Variants in PDE4D observed in about 807,000 individuals in gnomAD.
The protein encoded by PDE4D is 3',5'-cyclic-AMP phosphodiesterase 4D.
PDE4D carries 24 observed loss-of-function variants against 87.4 expected under a neutral mutation model. That is an observed-to-expected ratio of 0.27 (90% CI 0.20 to 0.39). PDE4D has a LOEUF of 0.39. Among genes scored for constraint, PDE4D ranks in the 10% least tolerant of loss-of-function variants. The probability of loss-of-function intolerance (pLI) is 1.00; values close to 1 mark genes in which losing one functional copy is unlikely to be tolerated. For missense variants in PDE4D, 714 were observed against 1,041.0 expected (o/e 0.69, Z 4.32); for synonymous variants, 384 against 383.2 (o/e 1.00, Z -0.02).
chr5:59,713,500 T>C (rs1286537917), intron 1 of PDE4D, among the ~76,000 whole-genome samples: 2 of 152,168 alleles, frequency 1.3e-5, no homozygotes, highest in African/African-American at 2.4e-5. Context: ...ACGTTGAAAC[T>C]GTGCATGATT....
intron 1 of PDE4D, among the ~76,000 whole-genome samples, chr5:60,398,527 T>C (rs899904020): frequency 7.9e-5 from 12 of 152,090 alleles, no homozygotes; most frequent in African/African-American, 2.4e-4. Flanking sequence ...TACTGTACCA[T>C]AGAGTTAGCT....
intron 1 of PDE4D, among the ~76,000 whole-genome samples, chr5:59,341,976 CG>C (rs1425368218): frequency 2.0e-5 from 3 of 151,990 alleles, no homozygotes; most frequent in African/African-American, 7.2e-5. Context: ...ATGATGTAGG[CG>C]CAGAGGCACC....
intron 1 of PDE4D, among the ~76,000 whole-genome samples, chr5:59,429,207 A>G (rs1795749464): frequency 6.6e-6 from 1 of 152,206 alleles, no homozygotes; most frequent in Non-Finnish European, 1.5e-5. Flanking sequence ...AAAGAAGGGA[A>G]TGAGGTAACT....
chr5:59,359,654 T>C (rs1450848700), intron 1 of PDE4D, among the ~76,000 whole-genome samples: 2 of 152,228 alleles, frequency 1.3e-5, no homozygotes, highest in Non-Finnish European at 2.9e-5. Flanking sequence ...TTTACTAGCA[T>C]TTATAATACA....
intron 5 of PDE4D, among the ~76,000 whole-genome samples, chr5:59,114,869 G>A (rs529545897): frequency 3.5e-4 from 52 of 150,546 alleles, no homozygotes; most frequent in Middle Eastern, 6.8e-3. Flanking sequence ...CTTCAAGGGG[G>A]TAGAGGAATA....
intron 1 of PDE4D, among the ~76,000 whole-genome samples, chr5:60,373,797 G>A (rs777744617): frequency 7.9e-5 from 12 of 152,252 alleles, no homozygotes; most frequent in South Asian, 2.1e-4. Flanking sequence ...TCCAAGGGCC[G>A]TCCTTATTCC....
chr5:59,066,479 A>G (rs1561421620), intron 5 of PDE4D, among the ~76,000 whole-genome samples: 3 of 152,262 alleles, frequency 2.0e-5, no homozygotes, highest in African/African-American at 7.2e-5. Context: ...CCTGCCCACC[A>G]TTTGTTACAG....
chr5:60,264,394 GC>G (rs1244683020), intron 1 of PDE4D, among the ~76,000 whole-genome samples: 1 of 152,182 alleles, frequency 6.6e-6, no homozygotes, highest in African/African-American at 2.4e-5. Context: ...CCTTGGCCTA[GC>G]TATAGCCAAA....
chr5:59,938,057 C>A (rs1389698990), intron 3 of PDE4D, among the ~76,000 whole-genome samples: 2 of 152,204 alleles, frequency 1.3e-5, no homozygotes, highest in Non-Finnish European at 2.9e-5. Context: ...ACTGTAACAG[C>A]ATGACTTTTC....
intron 2 of PDE4D, among the ~76,000 whole-genome samples, chr5:60,000,920 C>T (rs1005041084): frequency 6.6e-6 from 1 of 152,110 alleles, no homozygotes; most frequent in Non-Finnish European, 1.5e-5. Context: ...TCCATGTTCT[C>T]GGAGACAGGC....
chr5:59,979,506 C>A (rs558046622), intron 3 of PDE4D, among the ~76,000 whole-genome samples: 1 of 151,168 alleles, frequency 6.6e-6, no homozygotes, highest in African/African-American at 2.4e-5. Flanking sequence ...AAATTCAGAA[C>A]CCCCTGAGAA....
chr5:59,069,903 T>C (rs903443103), intron 5 of PDE4D, among the ~76,000 whole-genome samples: 2 of 152,212 alleles, frequency 1.3e-5, no homozygotes, highest in Non-Finnish European at 2.9e-5. Flanking sequence ...AAGCCATCTT[T>C]TTTTTACCCA....
Position 60,129,420 on chromosome 5 carries a change from T to C in PDE4D, c.42+56137A>G, listed in dbSNP as rs188484050. On this transcript the variant is annotated intron_variant, in intron 2 of 16. Coordinates refer to the PDE4D transcript ENST00000502484. ...ATGCATGAAAGTATTATTAACATGA[T>C]TGAGAATTTCTCTGGGTTCTCAACA... Among the ~76,000 whole-genome samples, 977 of 152,318 alleles carry C rather than the reference T, an allele frequency of 6.4e-3. 11 individuals carry two copies. Among genetic ancestry groups the C allele is most frequent in the African/African-American group, 0.022 (925 of 41,568 alleles).
chr5:59,717,259 A>G (rs1405356060), intron 1 of PDE4D, among the ~76,000 whole-genome samples: 1 of 152,152 alleles, frequency 6.6e-6, no homozygotes, highest in Non-Finnish European at 1.5e-5. Flanking sequence ...TGACCTGGAA[A>G]AGCTGCCACC....
chr5:59,147,273 A>G (rs1370723311), intron 5 of PDE4D, among the ~76,000 whole-genome samples: 2 of 152,210 alleles, frequency 1.3e-5, no homozygotes, highest in Admixed American at 6.5e-5. Context: ...AAAATATTGA[A>G]TGGTTTTAAA....
At chr5:60,028,204 CTT>C (rs569002812) in intron 2 of PDE4D, among the ~76,000 whole-genome samples, 47 of 152,260 alleles carry the variant, frequency 3.1e-4, no homozygotes, top group African/African-American at 1.0e-3. Context: ...TTTGAGCTCT[CTT>C]TGCCTTTTTC....
intron 1 of PDE4D, among the ~76,000 whole-genome samples, chr5:59,355,800 G>A (rs568189836): frequency 9.9e-5 from 15 of 152,104 alleles, no homozygotes; most frequent in African/African-American, 2.2e-4. Flanking sequence ...AGTGTCTAAA[G>A]CAAATAATTA....
chr5:58,979,519 T>C (rs1208901772), intron 11 of PDE4D, among the ~76,000 whole-genome samples: 9 of 152,208 alleles, frequency 5.9e-5, no homozygotes, highest in Non-Finnish European at 1.3e-4. Context: ...GGTAGGAGTC[T>C]GCAGCTCCTC....
At chr5:59,668,339 C>T (rs1312812765) in intron 1 of PDE4D, among the ~76,000 whole-genome samples, 2 of 152,198 alleles carry the variant, frequency 1.3e-5, no homozygotes, top group African/African-American at 2.4e-5. Flanking sequence ...GTTACATATT[C>T]ACCACATGCA....
Sources: allele counts gnomAD v4.1 joint callset (sites outside exome capture counted in the v4.1 genomes callset), GRCh38; gene constraint gnomAD v4.1.1; transcripts MANE v1.5; gene names NCBI Gene and HGNC (gene_info 2026-07-23, HGNC 2026-07-21).